The following TRAPPC13 variants were observed in gnomAD, a reference collection of about 807,000 sequenced individuals.
TRAPPC13 encodes trafficking protein particle complex subunit 13.
TRAPPC13 carries 39 observed loss-of-function variants against 54.0 expected under a neutral mutation model. The observed-to-expected ratio is 0.72, with a 90% confidence interval of 0.56 to 0.94. The LOEUF (loss-of-function observed/expected upper bound fraction) is 0.94. Ranked by LOEUF, TRAPPC13 falls within the 40% of genes least tolerant of loss-of-function variation. The pLI, the probability that TRAPPC13 is intolerant of heterozygous loss-of-function variation, is 0.00. For missense variants in TRAPPC13, 386 were observed against 488.1 expected (o/e 0.79, Z 1.97); for synonymous variants, 148 against 167.7 (o/e 0.88, Z 0.91).
rs1031038287 is a variant in TRAPPC13 at position 65,625,084 on chromosome 5, G to A, written c.24G>A (p.Gln8=). 2 of 1,613,718 alleles carry A rather than the reference G, an allele frequency of 1.2e-6. No individual in the cohort carries two copies. Among genetic ancestry groups the A allele is most frequent in the Non-Finnish European group, 1.7e-6 (2 of 1,179,776 alleles). The change falls in exon 1 of 13, where the codon CAG becomes CAA. Residue 8 remains glutamine, a synonymous_variant. Coordinates refer to ENST00000399438, the MANE Select transcript of TRAPPC13 (RefSeq NM_024941.4). MEVNPPK[Q]EHLLALKVMR... ...AAATGGAAGTGAATCCCCCTAAACAGGAGCACCTGCTGGCGCTAAAAGGTA... is the reference window on the plus strand; with the variant it reads ...AAATGGAAGTGAATCCCCCTAAACAAGAGCACCTGCTGGCGCTAAAAGGTA...
In TRAPPC13 at chr5:65,666,016, T is replaced by C. The variant is rs530626659; in HGVS notation, c.*1405T>C. Reference sequence around the variant, plus strand: ...TATTCAGAAGGTTTGCACCTCAAAATTGAGTAATAATTAATGAAATGTCTG... The same window carrying C: ...TATTCAGAAGGTTTGCACCTCAAAACTGAGTAATAATTAATGAAATGTCTG... On this transcript the variant is annotated 3_prime_UTR_variant, in exon 13 of 13. Transcript: ENST00000399438. 5.9e-5 allele frequency: 9 copies of C among 152,678 alleles called. No homozygotes were observed. The highest frequency in any genetic ancestry group is 2.2e-4 in the African/African-American group (9 of 41,574). The allele number at this position is 152,678 out of a possible 1,614,324, so 9.5% of individuals were successfully genotyped here.
chr5:65,647,799 C>T (rs946723434), intron 5 of TRAPPC13, among the ~76,000 whole-genome samples: 3 of 152,102 alleles, frequency 2.0e-5, no homozygotes, highest in Non-Finnish European at 4.4e-5. Flanking sequence ...TCCTGAATAT[C>T]TTTCATTTAT....
chr5:65,654,330 T>A (rs557259695), intron 7 of TRAPPC13, among the ~76,000 whole-genome samples: 6 of 152,182 alleles, frequency 3.9e-5, no homozygotes, highest in Non-Finnish European at 8.8e-5. Flanking sequence ...TCACGACAAT[T>A]TTGTTTGCTT....
At chr5:65,644,417 AACTT>A (rs1037159486) in intron 4 of TRAPPC13, among the ~76,000 whole-genome samples, 14 of 152,140 alleles carry the variant, frequency 9.2e-5, no homozygotes, top group African/African-American at 2.4e-4. Context: ...AGCTCTGTTC[AACTT>A]ACTTAGAATA....
intron 1 of TRAPPC13, among the ~76,000 whole-genome samples, chr5:65,632,993 A>G (rs1755604381): frequency 6.6e-6 from 1 of 152,266 alleles, no homozygotes; most frequent in Non-Finnish European, 1.5e-5. Context: ...GTAGTACATA[A>G]GAGCCTAGAC....
intron 5 of TRAPPC13, among the ~76,000 whole-genome samples, chr5:65,647,466 A>G (rs990826712): frequency 6.6e-6 from 1 of 152,156 alleles, no homozygotes; most frequent in Non-Finnish European, 1.5e-5. Context: ...GTAGCACTCT[A>G]AAAGTAAATT....
At chr5:65,657,497 G>A (rs963901929) in intron 8 of TRAPPC13, among the ~76,000 whole-genome samples, 2 of 152,108 alleles carry the variant, frequency 1.3e-5, no homozygotes, top group Non-Finnish European at 2.9e-5. Flanking sequence ...AATACCCTTA[G>A]TGTATCATTT....
Position 65,657,778 on chromosome 5 carries a change from C to T in TRAPPC13, c.565-590C>T, listed in dbSNP as rs533100280. On this transcript the variant is annotated intron_variant, in intron 8 of 12. Transcript: ENST00000399438. ...CTCTACGATGGTGAAGTATAATCCA[C>T]ATATTCTTTTTTTAGCCCTCAATAT... Among the ~76,000 whole-genome samples, 448 of 152,272 alleles carry T rather than the reference C, an allele frequency of 2.9e-3. 3 individuals are homozygous for T. Among genetic ancestry groups the T allele is most frequent in the African/African-American group, 0.01 (425 of 41,556 alleles).
rs1756831137 is a variant in TRAPPC13, at chr5:65,660,962, A to G, written c.897+65A>G. The G allele has an allele frequency of 2.2e-6, 3 of 1,358,990 alleles. No homozygotes were observed. The East Asian group carries it at 7.2e-5, about 33-fold the overall frequency. The allele number at this position is 1,358,990 out of a possible 1,614,324, so 84.2% of individuals were successfully genotyped here. A position where few individuals can be genotyped will look rare whatever the true frequency, so the allele number is the denominator to read the frequency against. On this transcript the variant is annotated intron_variant, in intron 10 of 12. Transcript: ENST00000399438. ...AAAGACAGGTAGTTAGAACAACTTA[A>G]TTTTTTCTACATCCAGCAGTAAAAA...
chr5:65,657,222 A>C (rs558664302), intron 8 of TRAPPC13, among the ~76,000 whole-genome samples: 34 of 151,458 alleles, frequency 2.2e-4, no homozygotes, highest in Admixed American at 5.9e-4. Context: ...TCTCTACTAA[A>C]AATACAAAAA....
At chr5:65,654,912 G>C (rs1298961649) in intron 7 of TRAPPC13, among the ~76,000 whole-genome samples, 1 of 152,158 alleles carries the variant, frequency 6.6e-6, no homozygotes, top group Non-Finnish European at 1.5e-5. Context: ...CAGTAGAGGA[G>C]ACTGACATGA....
intron 1 of TRAPPC13, among the ~76,000 whole-genome samples, chr5:65,631,583 A>G (rs1368744773): frequency 4.6e-5 from 7 of 152,202 alleles, no homozygotes; most frequent in African/African-American, 1.7e-4. Context: ...GTGTCCATGT[A>G]TACTCATTGT....
At chr5:65,641,963 T>A (rs1226403606) in intron 4 of TRAPPC13, among the ~76,000 whole-genome samples, 2 of 151,980 alleles carry the variant, frequency 1.3e-5, no homozygotes, top group Non-Finnish European at 2.9e-5. Flanking sequence ...TAGGAAATAA[T>A]CCATTTCATT....
At chr5:65,628,084 T>A (rs1242218178) in intron 1 of TRAPPC13, among the ~76,000 whole-genome samples, 1 of 152,200 alleles carries the variant, frequency 6.6e-6, no homozygotes, top group Non-Finnish European at 1.5e-5. Flanking sequence ...CTCTTACAGC[T>A]TTGGGCCTGA....
chr5:65,643,352 GATAT>G (rs368222821), intron 4 of TRAPPC13, among the ~76,000 whole-genome samples: 4 of 150,734 alleles, frequency 2.7e-5, no homozygotes, highest in African/African-American at 9.7e-5. Flanking sequence ...TAAAGTTAGA[GATAT>G]ATATATATAT....
intron 4 of TRAPPC13, among the ~76,000 whole-genome samples, chr5:65,643,505 C>T (rs1353333942): frequency 6.6e-6 from 1 of 151,974 alleles, no homozygotes; most frequent in Non-Finnish European, 1.5e-5. Flanking sequence ...TCTAAAATCT[C>T]ATATATTTTG....
intron 8 of TRAPPC13, among the ~76,000 whole-genome samples, chr5:65,655,958 T>G (rs1756636013): frequency 6.6e-6 from 1 of 152,170 alleles, no homozygotes; most frequent in Non-Finnish European, 1.5e-5. Context: ...GCCTTGTGAT[T>G]TTCATCATCT....
intron 6 of TRAPPC13, among the ~76,000 whole-genome samples, chr5:65,652,169 C>CT (rs1053245495): frequency 2.6e-5 from 4 of 151,018 alleles, no homozygotes; most frequent in African/African-American, 7.3e-5. Flanking sequence ...AGCTCAGTTG[C>CT]TTTTTTTTGC....
At chr5:65,630,121 C>G in intron 1 of TRAPPC13, 1 of 1,536,014 alleles carries the variant, frequency 6.5e-7, no homozygotes, top group Non-Finnish European at 8.7e-7. Context: ...TTTGTAACAG[C>G]CAAACTCTGG....
Sources: allele counts gnomAD v4.1 joint callset (sites outside exome capture counted in the v4.1 genomes callset), GRCh38; gene constraint gnomAD v4.1.1; transcripts MANE v1.5; gene names NCBI Gene and HGNC (gene_info 2026-07-23, HGNC 2026-07-21).